SPATA16: variants seen among roughly 807,000 people sequenced by gnomAD.
The protein encoded by SPATA16 is spermatogenesis-associated protein 16.
A neutral mutation model predicts 63.3 loss-of-function variants in SPATA16; 36 were observed. The observed-to-expected ratio is 0.57, with a 90% CI of 0.44 to 0.75. The LOEUF (loss-of-function observed/expected upper bound fraction) is 0.75. SPATA16 is among the 30% of genes least tolerant of loss of function. The pLI is 0.00. For missense variants in SPATA16, 646 were observed against 679.3 expected (o/e 0.95, Z 0.54); for synonymous variants, 203 against 216.7 (o/e 0.94, Z 0.56).
chr3:172,993,374 C>T (rs1236303662), intron 4 of SPATA16, among the ~76,000 whole-genome samples: 3 of 152,030 alleles, frequency 2.0e-5, no homozygotes, highest in Non-Finnish European at 4.4e-5. Context: ...GTAAGGGTTT[C>T]CTTGATCAAT....
Position 173,043,318 on chromosome 3 carries a change from T to A in SPATA16, c.758+5631A>T, listed in dbSNP as rs1735888251. Among the ~76,000 whole-genome samples the A allele has an allele frequency of 2.0e-5, 3 of 152,126 alleles. No individual in the cohort carries two copies. In the South Asian group the frequency reaches 6.2e-4, roughly 32 times the overall value. Reference sequence around the variant, plus strand: ...AAGTCAATTATTGGCTTTCTAGCTATAATTTTTATATTTTTAATCATTTGC... The same window carrying A: ...AAGTCAATTATTGGCTTTCTAGCTAAAATTTTTATATTTTTAATCATTTGC... On this transcript the variant is annotated intron_variant, in intron 3 of 10. Transcript: ENST00000351008.
intron 6 of SPATA16, among the ~76,000 whole-genome samples, chr3:172,937,514 A>G (rs572853686): frequency 3.2e-4 from 49 of 152,350 alleles, no homozygotes; most frequent in Non-Finnish European, 4.4e-4. Flanking sequence ...ATGCTGAACC[A>G]AGCACAGATT....
chr3:172,912,532 C>G (rs1732391425), intron 10 of SPATA16, among the ~76,000 whole-genome samples: 1 of 151,754 alleles, frequency 6.6e-6, no homozygotes, highest in South Asian at 2.1e-4. Flanking sequence ...TTTTCTTCTG[C>G]TTTTGCCACC....
At chr3:172,937,558 A>G (rs923935337) in intron 6 of SPATA16, among the ~76,000 whole-genome samples, 1 of 152,146 alleles carries the variant, frequency 6.6e-6, no homozygotes, top group African/African-American at 2.4e-5. Context: ...CTAGCACCCA[A>G]AGTCTCTCAA....
At chr3:173,044,930 T>C (rs1260850835) in intron 3 of SPATA16, among the ~76,000 whole-genome samples, 6 of 152,132 alleles carry the variant, frequency 3.9e-5, no homozygotes, top group Middle Eastern at 3.2e-3. Context: ...ACTATTATAG[T>C]ATGATCTTTC....
intron 2 of SPATA16, among the ~76,000 whole-genome samples, chr3:173,072,858 A>C (rs926029057): frequency 3.3e-5 from 5 of 152,228 alleles, no homozygotes; most frequent in Non-Finnish European, 1.5e-5. Context: ...GAGGACTCAG[A>C]AGAAGACTAG....
rs561283791 is a variant in SPATA16 at position 173,079,172 on chromosome 3, A to G, written c.613-30078T>C. Among the ~76,000 whole-genome samples the G allele has an allele frequency of 3.3e-5, 5 of 152,318 alleles. No homozygotes were observed. In the South Asian group the frequency reaches 1.0e-3, roughly 32 times the overall value. On this transcript the variant is annotated intron_variant, in intron 2 of 10. Coordinates refer to ENST00000351008, the MANE Select transcript of SPATA16 (RefSeq NM_031955.6). ...TGTTATTGTCCAAAGACTGACAGTG[A>G]GTTGATATAGATAGGGCAATTGTTC...
intron 3 of SPATA16, 114 bp downstream of exon 3, chr3:173,048,835 A>G: frequency 1.5e-6 from 2 of 1,353,500 alleles, no homozygotes; most frequent in Non-Finnish European, 2.1e-6. Flanking sequence ...CAGTAAATAA[A>G]TGTTTGTTTC....
chr3:173,019,519 A>C lies in SPATA16; in HGVS notation c.815T>G (p.Phe272Cys). Reference protein sequence around the residue: ...FRNHLRQATVFRCLERYSEAA... With the variant: ...FRNHLRQATVCRCLERYSEAA... ...CTCTGAATACCTCTCCAGACATCTA[A>C]ACACTGTTGCTTGACGAAGATGATT... The change falls in exon 4 of 11, where the codon TTT becomes TGT. Residue 272 changes from phenylalanine to cysteine, a missense_variant. Coordinates refer to ENST00000351008, the MANE Select transcript of SPATA16 (RefSeq NM_031955.6). 6.2e-7 allele frequency: 1 copy of C among 1,614,100 alleles called. No individual in the cohort carries two copies. The highest frequency in any genetic ancestry group is 8.5e-7 in the Non-Finnish European group (1 of 1,179,982).
intron 10 of SPATA16, among the ~76,000 whole-genome samples, chr3:172,890,335 T>C (rs575733456): frequency 3.3e-5 from 5 of 149,312 alleles, no homozygotes; most frequent in Admixed American, 6.8e-5. Context: ...TGGCAGTTGA[T>C]AGAATGTAGT....
rs117139410 is a variant in SPATA16 at position 172,959,398 on chromosome 3, C to A, written c.934-2574G>T. 1.3e-3 allele frequency among the ~76,000 whole-genome samples: 198 copies of A among 152,326 alleles called. 2 individuals are homozygous for A. In the East Asian group the frequency reaches 0.034, roughly 26 times the overall value. ...TCAAGGCATTGCCTTCAGGCCTTAA[C>A]AGGGCTCTCACTCAGGAGGGTATGC... is the stretch of plus-strand genomic sequence containing the variant. On this transcript the variant is annotated intron_variant, in intron 5 of 10. Coordinates refer to ENST00000351008, the MANE Select transcript of SPATA16 (RefSeq NM_031955.6).
intron 6 of SPATA16, among the ~76,000 whole-genome samples, chr3:172,939,982 G>T (rs763001195): frequency 3.3e-5 from 5 of 152,240 alleles, no homozygotes; most frequent in Non-Finnish European, 7.4e-5. Context: ...CCTATATAAT[G>T]AAAAATCCAT....
rs565523996 is a variant in SPATA16 at position 172,966,661 on chromosome 3, G to C, written c.934-9837C>G. Among the ~76,000 whole-genome samples, 4 of 152,256 alleles carry C rather than the reference G, an allele frequency of 2.6e-5. No homozygotes were observed. In the East Asian group the frequency reaches 7.7e-4, roughly 29 times the overall value. On this transcript the variant is annotated intron_variant, in intron 5 of 10. Coordinates refer to ENST00000351008, the MANE Select transcript of SPATA16 (RefSeq NM_031955.6). Reference sequence around the variant, plus strand: ...CAGCCCAGGTACAGATAAGTAGGCAGTCTTCAAAAATTAGCGAAGAAAATA... The same window carrying C: ...CAGCCCAGGTACAGATAAGTAGGCACTCTTCAAAAATTAGCGAAGAAAATA...
At chr3:172,970,046 T>A (rs535166031) in intron 5 of SPATA16, among the ~76,000 whole-genome samples, 1 of 152,202 alleles carries the variant, frequency 6.6e-6, no homozygotes, top group African/African-American at 2.4e-5. Flanking sequence ...ACATATTTAT[T>A]TGGTAAGCCG....
chr3:173,074,771 G>T (rs1261496865), intron 2 of SPATA16, among the ~76,000 whole-genome samples: 2 of 152,078 alleles, frequency 1.3e-5, no homozygotes, highest in Non-Finnish European at 2.9e-5. Context: ...GCTGTGGCAG[G>T]TGGATCACCT....
intron 1 of SPATA16, among the ~76,000 whole-genome samples, chr3:173,128,999 T>A (rs1406956503): frequency 6.6e-6 from 1 of 152,240 alleles, no homozygotes; most frequent in Non-Finnish European, 1.5e-5. Flanking sequence ...TAGCTGTTGA[T>A]GCTAAAGAAA....
intron 2 of SPATA16, among the ~76,000 whole-genome samples, chr3:173,101,017 A>G (rs770978722): frequency 8.5e-5 from 13 of 152,222 alleles, no homozygotes; most frequent in Non-Finnish European, 1.5e-4. Context: ...TTAGTGCTGC[A>G]TGTACATAGG....
In SPATA16 at chr3:173,082,404, C is replaced by T. The variant is rs139259466; in HGVS notation, c.613-33310G>A. Among the ~76,000 whole-genome samples, 332 of 152,282 alleles carry T rather than the reference C, an allele frequency of 2.2e-3. 4 individuals are homozygous for T. Among genetic ancestry groups the T allele is most frequent in the African/African-American group, 7.5e-3 (312 of 41,546 alleles). ...GCTTCCAGCTGCTTGTCCTGTCTGT[C>T]GCCCCTTACCCTTCCTTCCCGCTTC... On this transcript the variant is annotated intron_variant, in intron 2 of 10. Transcript: ENST00000351008.
At chr3:172,941,047 G>C (rs1577098292) in intron 6 of SPATA16, among the ~76,000 whole-genome samples, 2 of 151,970 alleles carry the variant, frequency 1.3e-5, no homozygotes, top group African/African-American at 4.8e-5. Flanking sequence ...AGAACTTCTA[G>C]GAGTGGAAAA....
Sources: gnomAD v4.1 joint callset for allele counts (sites outside exome capture counted in the v4.1 genomes callset) on GRCh38, gnomAD v4.1.1 for gene constraint, MANE v1.5 for transcripts, NCBI Gene and HGNC (gene_info 2026-07-23, HGNC 2026-07-21) for gene names.